Variants in SUGCT observed in about 807,000 individuals in gnomAD.
SUGCT encodes the protein succinyl-CoA:glutarate-CoA transferase, also known as succinyl-CoA:glutarate CoA-transferase.
A neutral mutation model predicts 55.0 loss-of-function variants in SUGCT; 41 were observed. The observed-to-expected ratio is 0.74, with a 90% CI of 0.58 to 0.97. SUGCT has a LOEUF of 0.97. Among genes scored for constraint, SUGCT ranks in the 50% least tolerant of loss-of-function variants. SUGCT has a pLI of 0.00. For missense variants in SUGCT, 568 were observed against 547.8 expected (o/e 1.04, Z -0.37); for synonymous variants, 187 against 200.4 (o/e 0.93, Z 0.56).
chr7:40,341,158 A>G (rs777193990), intron 9 of SUGCT, among the ~76,000 whole-genome samples: 4 of 152,180 alleles, frequency 2.6e-5, no homozygotes, highest in Admixed American at 6.5e-5. Flanking sequence ...CCTACAATCT[A>G]TTGACTGTTG....
intron 12 of SUGCT, among the ~76,000 whole-genome samples, chr7:40,577,399 C>T (rs1360967350): frequency 2.0e-5 from 3 of 151,592 alleles, no homozygotes; most frequent in African/African-American, 7.3e-5. Context: ...TCTTGCAAAT[C>T]TCGTATTTTC....
chr7:40,819,834 A>T (rs1272596986), intron 13 of SUGCT, among the ~76,000 whole-genome samples: 1 of 152,200 alleles, frequency 6.6e-6, no homozygotes, highest in Non-Finnish European at 1.5e-5. Flanking sequence ...GTCCTTGCAC[A>T]TGCCTACAGC....
chr7:40,463,686 C>T (rs1412175655), intron 11 of SUGCT, among the ~76,000 whole-genome samples: 1 of 152,186 alleles, frequency 6.6e-6, no homozygotes, highest in Non-Finnish European at 1.5e-5. Context: ...AGCCAGCACA[C>T]ACGATTCCCC....
At chr7:40,757,272 A>G (rs573343317) in intron 13 of SUGCT, among the ~76,000 whole-genome samples, 1 of 152,326 alleles carries the variant, frequency 6.6e-6, no homozygotes, top group South Asian at 2.1e-4. Context: ...GAGAAGCATC[A>G]GGAGCCAAGT....
chr7:40,916,875 G>A, the SUGCT span, among the ~76,000 whole-genome samples: 1 of 152,180 alleles, frequency 6.6e-6, no homozygotes, highest in East Asian at 1.9e-4. Context: ...GGAGTCTGGA[G>A]TAGTTACAGA....
At chr7:40,861,395 A>C (rs1266597332), downstream of SUGCT, among the ~76,000 whole-genome samples, 1 of 152,212 alleles carries the variant, frequency 6.6e-6, no homozygotes, top group African/African-American at 2.4e-5. Context: ...GAGTATTTCA[A>C]TGGATATAAA....
chr7:40,609,428 G>A (rs186614012), intron 12 of SUGCT, among the ~76,000 whole-genome samples: 210 of 151,876 alleles, frequency 1.4e-3, no homozygotes, highest in African/African-American at 4.8e-3. Context: ...TTAGCCGGGC[G>A]TGGTGGCGGG....
chr7:40,760,083 TC>T (rs1788458621), intron 13 of SUGCT, among the ~76,000 whole-genome samples: 1 of 152,164 alleles, frequency 6.6e-6, no homozygotes, highest in African/African-American at 2.4e-5. Context: ...ATTTCAATCA[TC>T]AAAAGACCCA....
chr7:40,656,503 TGTCCTAA>T (rs1216258123), intron 12 of SUGCT, among the ~76,000 whole-genome samples: 3 of 152,236 alleles, frequency 2.0e-5, no homozygotes, highest in Non-Finnish European at 2.9e-5. Context: ...TTAAACCAAC[TGTCCTAA>T]GAAAACTCTT....
At chr7:40,720,837 G>A (rs1375649596) in intron 12 of SUGCT, among the ~76,000 whole-genome samples, 1 of 152,166 alleles carries the variant, frequency 6.6e-6, no homozygotes, top group Admixed American at 6.5e-5. Context: ...TTGACAACAT[G>A]AAGAAAGCTT....
intron 7 of SUGCT, among the ~76,000 whole-genome samples, chr7:40,264,714 C>T (rs1453839280): frequency 6.6e-6 from 1 of 152,084 alleles, no homozygotes; most frequent in East Asian, 1.9e-4. Context: ...GATTGTTTCC[C>T]CAAATTTATT....
chr7:40,872,600 G>C, the SUGCT span, among the ~76,000 whole-genome samples: 2 of 152,222 alleles, frequency 1.3e-5, no homozygotes, highest in African/African-American at 4.8e-5. Flanking sequence ...CAGGGGCTCT[G>C]AGGACATAAT....
chr7:40,943,467 T>A, the SUGCT span, among the ~76,000 whole-genome samples: 3 of 130,588 alleles, frequency 2.3e-5, no homozygotes, highest in African/African-American at 8.7e-5. Flanking sequence ...AGTGTGATGT[T>A]CCCCTTCCTG....
At chr7:40,850,370 A>G (rs185253338) in intron 13 of SUGCT, among the ~76,000 whole-genome samples, 2 of 152,332 alleles carry the variant, frequency 1.3e-5, no homozygotes, top group East Asian at 1.9e-4. Flanking sequence ...GGGTTATCAT[A>G]AGGACTGAGC....
chr7:40,590,955 A>C (rs1272137473), intron 12 of SUGCT, among the ~76,000 whole-genome samples: 3 of 152,198 alleles, frequency 2.0e-5, no homozygotes, highest in Non-Finnish European at 2.9e-5. Flanking sequence ...AATGTACCTC[A>C]TTACCCAAGA....
At chr7:40,318,266 C>G (rs1795541096) in intron 9 of SUGCT, among the ~76,000 whole-genome samples, 1 of 152,188 alleles carries the variant, frequency 6.6e-6, no homozygotes, top group Non-Finnish European at 1.5e-5. Flanking sequence ...CCTTCATCAA[C>G]TCTACCCCTA....
At chr7:40,918,671 G>A in the SUGCT span, among the ~76,000 whole-genome samples, 11 of 152,156 alleles carry the variant, frequency 7.2e-5, no homozygotes, top group South Asian at 6.2e-4. Context: ...GAAGATGATC[G>A]AAATAAAAGG....
chr7:40,672,038 A>G (rs991006321), intron 12 of SUGCT, among the ~76,000 whole-genome samples: 3 of 152,166 alleles, frequency 2.0e-5, no homozygotes, highest in Admixed American at 6.5e-5. Flanking sequence ...CCACAAATAT[A>G]CCCAATTGAT....
At chr7:40,683,359 C>T (rs1286342152) in intron 12 of SUGCT, among the ~76,000 whole-genome samples, 1 of 152,166 alleles carries the variant, frequency 6.6e-6, no homozygotes, top group Non-Finnish European at 1.5e-5. Context: ...AGTTTTTCCA[C>T]CTGTGCTCAA....
Sources: gnomAD v4.1 joint callset for allele counts (sites outside exome capture counted in the v4.1 genomes callset) on GRCh38, gnomAD v4.1.1 for gene constraint, MANE v1.5 for transcripts, NCBI Gene and HGNC (gene_info 2026-07-23, HGNC 2026-07-21) for gene names.